REELD1: variants seen among roughly 807,000 people sequenced by gnomAD.
REELD1 encodes reelin domain-containing protein 1.
A neutral mutation model predicts 6.3 loss-of-function variants in REELD1; 12 were observed. The observed-to-expected ratio is 1.89, with a 90% CI of 1.21 to 3.07. The LOEUF (loss-of-function observed/expected upper bound fraction) is 3.07, where lower values mean the gene tolerates loss of function less well. REELD1 is among the 30% of genes most tolerant of loss of function. The pLI is 0.00. For missense variants in REELD1, 163 were observed against 86.8 expected (o/e 1.88, Z -3.49); for synonymous variants, 57 against 33.6 (o/e 1.70, Z -2.42).
At chr4:146,224,161 T>C (rs1343078735) in intron 4 of REELD1, among the ~76,000 whole-genome samples, 3 of 152,136 alleles carry the variant, frequency 2.0e-5, no homozygotes, top group African/African-American at 7.2e-5. Flanking sequence ...GAGATACTTT[T>C]TAGTTAAAAT....
intron 3 of REELD1, among the ~76,000 whole-genome samples, chr4:146,218,984 A>G (rs1029607763): frequency 1.3e-5 from 2 of 152,102 alleles, no homozygotes; most frequent in African/African-American, 4.8e-5. Context: ...CCCTGTCCCT[A>G]CAAAAAAAAT....
chr4:146,229,605 T>C (rs1731089164), intron 7 of REELD1, among the ~76,000 whole-genome samples: 1 of 152,206 alleles, frequency 6.6e-6, no homozygotes, highest in South Asian at 2.1e-4. Context: ...CCATAGAAGA[T>C]GATGCAATCA....
rs1023867975 is a variant in REELD1, at chr4:146,217,053, A to G, written c.101A>G (p.Asp34Gly). Residue 34 changes from aspartate (D) to glycine (G), a missense_variant, in exon 3 of 8, where the codon GAT (aspartate) becomes GGT (glycine). Physicochemically the swap from Asp to Gly is moderately conservative, Grantham distance 94 (BLOSUM62 -1). Coordinates refer to ENST00000623665, the MANE Select transcript of REELD1 (RefSeq NM_001354631.1). ...FSHGASTVAC[D>G]DMQPKHIQAQ... ...CATGGTGCCAGCACGGTGGCCTGTG[A>G]TGACATGCAGCCCAAGCACATCCAA... 11 of 398,922 alleles carry G rather than the reference A, an allele frequency of 2.8e-5. No homozygotes were observed. Among genetic ancestry groups the G allele is most frequent in the Non-Finnish European group, 4.0e-5 (9 of 226,350 alleles). The allele number at this position is 398,922 out of a possible 1,614,324, so 24.7% of individuals were successfully genotyped here. A position where few individuals can be genotyped will look rare whatever the true frequency, so the allele number is the denominator to read the frequency against.
chr4:146,223,261 A>G (rs1257356369), intron 4 of REELD1, among the ~76,000 whole-genome samples: 2 of 152,200 alleles, frequency 1.3e-5, no homozygotes, highest in African/African-American at 4.8e-5. Context: ...GCCTGCAGGC[A>G]GAGGTAGTCC....
Position 146,225,060 on chromosome 4 carries a change from G to C in REELD1, c.595+452G>C, listed in dbSNP as rs549050028. On this transcript the variant is annotated intron_variant, in intron 5 of 7. Transcript: ENST00000623665. The stretch of plus-strand genomic sequence containing the variant: ...GTTTTTATTGTTACTTTTCATAGTA[G>C]GTAGGTGGCTCTTTGCAACCTGGGT... 2.0e-5 allele frequency among the ~76,000 whole-genome samples: 3 copies of C among 152,304 alleles called. No homozygotes were observed. The South Asian group carries it at 6.2e-4, about 32-fold the overall frequency.
rs1391152694 is a variant in REELD1, at chr4:146,217,102, C to G, written c.150C>G (p.Ser50Arg). The change falls in exon 3 of 8, where the codon AGC becomes AGG. Residue 50 changes from serine to arginine, a missense_variant. Ser to Arg is a moderately radical substitution (Grantham distance 110). Coordinates refer to ENST00000623665, the MANE Select transcript of REELD1 (RefSeq NM_001354631.1). ...AAGCCCAGCCTCAGCACCAGGACAG[C>G]CACCACATCACCATCCACACCCACA... is the stretch of plus-strand genomic sequence containing the variant. ...HIQAQPQHQD[S>R]HHITIHTHRT... is the part of the protein sequence containing the mutation. 5.0e-6 allele frequency: 2 copies of G among 399,802 alleles called. No homozygotes were observed. The highest frequency in any genetic ancestry group is 4.4e-5 in the Admixed American group (1 of 22,728). 24.8% of individuals were successfully genotyped at this position (399,802 alleles called of 1,614,324 possible). A position where few individuals can be genotyped will look rare whatever the true frequency, so the allele number is the denominator to read the frequency against.
At chr4:146,221,648 C>T (rs1325058373) in intron 3 of REELD1, among the ~76,000 whole-genome samples, 2 of 152,152 alleles carry the variant, frequency 1.3e-5, no homozygotes, top group Non-Finnish European at 2.9e-5. Context: ...ATCACAAGGT[C>T]AAGAGATCGA....
Position 146,231,571 on chromosome 4 carries a change from C to A in REELD1, c.*1058C>A, listed in dbSNP as rs1162542946. 6.6e-6 allele frequency among the ~76,000 whole-genome samples: 1 copy of A among 152,112 alleles called. No individual in the cohort carries two copies. The highest frequency in any genetic ancestry group is 2.4e-5 in the African/African-American group (1 of 41,408). On this transcript the variant is annotated 3_prime_UTR_variant, in exon 8 of 8. Coordinates refer to ENST00000623665, the MANE Select transcript of REELD1 (RefSeq NM_001354631.1). ...AATTAGCTGCCTTTTCAGAGTGAAA[C>A]CTATTATAGAGTCATCATTTTAATG... is the stretch of plus-strand genomic sequence containing the variant.
chr4:146,224,155 T>A (rs1207599678), intron 4 of REELD1, among the ~76,000 whole-genome samples: 1 of 152,186 alleles, frequency 6.6e-6, no homozygotes, highest in Non-Finnish European at 1.5e-5. Flanking sequence ...TTTGAGGAGA[T>A]ACTTTTTAGT....
chr4:146,215,414 A>G (rs2110914015), intron 2 of REELD1, among the ~76,000 whole-genome samples: 1 of 152,362 alleles, frequency 6.6e-6, no homozygotes, highest in African/African-American at 2.4e-5. Flanking sequence ...TAGAAAAGAA[A>G]GGCATTGTCT....
At chr4:146,220,222 A>G (rs912484992) in intron 3 of REELD1, among the ~76,000 whole-genome samples, 1 of 152,248 alleles carries the variant, frequency 6.6e-6, no homozygotes, top group Non-Finnish European at 1.5e-5. Context: ...TGCTGGGGTT[A>G]CAGGCGTGAG....
At chr4:146,223,037 G>T (rs1158466783) in intron 4 of REELD1, among the ~76,000 whole-genome samples, 1 of 152,174 alleles carries the variant, frequency 6.6e-6, no homozygotes, top group Non-Finnish European at 1.5e-5. Context: ...CTCCCTCAGG[G>T]TTGTATATGG....
At chr4:146,222,264 A>G (rs991183720) in intron 3 of REELD1, 93 bp from the exon 4 acceptor site, 3 of 397,640 alleles carry the variant, frequency 7.5e-6, no homozygotes, top group African/African-American at 6.2e-5. Flanking sequence ...CTGGGGGCTG[A>G]TCTTAAGCTT....
At chr4:146,215,383 G>A (rs1377180322) in intron 2 of REELD1, among the ~76,000 whole-genome samples, 185 bp downstream of exon 2, 1 of 152,190 alleles carries the variant, frequency 6.6e-6, no homozygotes, top group Admixed American at 6.5e-5. Context: ...TGTGACTTTG[G>A]TGCTTCATAG....
intron 3 of REELD1, among the ~76,000 whole-genome samples, chr4:146,220,339 T>C (rs1368387660): frequency 6.6e-6 from 1 of 152,242 alleles, no homozygotes; most frequent in African/African-American, 2.4e-5. Context: ...GTATTTACTT[T>C]TTAAATTTTT....
intron 6 of REELD1, 66 bp downstream of exon 6, chr4:146,228,588 T>C: frequency 1.6e-6 from 1 of 622,612 alleles, no homozygotes; most frequent in Non-Finnish European, 2.9e-6. Context: ...GAGTGCATCA[T>C]GTGGAGTCTG....
At chr4:146,224,394 AT>A in intron 4 of REELD1, 50 bp from the exon 5 acceptor site, 1 of 526,990 alleles carries the variant, frequency 1.9e-6, no homozygotes, top group Non-Finnish European at 3.4e-6. Context: ...CTGAGTTATT[AT>A]TTAAAGGAAA....
At chr4:146,229,215 T>A (rs1731082692) in intron 7 of REELD1, 127 bp downstream of exon 7, 1 of 616,772 alleles carries the variant, frequency 1.6e-6, no homozygotes, top group Non-Finnish European at 2.9e-6. Flanking sequence ...CAAAGTACAA[T>A]ATACACACAG....
intron 3 of REELD1, among the ~76,000 whole-genome samples, chr4:146,222,132 A>G (rs1216762126): frequency 1.3e-5 from 2 of 152,156 alleles, no homozygotes; most frequent in Non-Finnish European, 2.9e-5. Flanking sequence ...AATATTTATA[A>G]AAAGAAAAAA....
Sources: allele counts gnomAD v4.1 joint callset (sites outside exome capture counted in the v4.1 genomes callset), GRCh38; gene constraint gnomAD v4.1.1; transcripts MANE v1.5; gene names NCBI Gene and HGNC (gene_info 2026-07-23, HGNC 2026-07-21).